The following ZNF738 variants were observed in gnomAD, a reference collection of about 807,000 sequenced individuals.
The protein encoded by ZNF738 is protein ZNF738.
A neutral mutation model predicts 9.2 loss-of-function variants in ZNF738; 10 were observed. The observed-to-expected ratio is 1.09, with a 90% CI of 0.67 to 1.85. The LOEUF (loss-of-function observed/expected upper bound fraction) is 1.85, where lower values mean the gene tolerates loss of function less well. ZNF738 is among the 40% of genes most tolerant of loss of function. ZNF738 has a pLI of 0.00. For synonymous variants in ZNF738, 113 were observed against 94.5 expected, an observed-to-expected ratio of 1.20 and a Z score of -1.14; for missense variants, 346 against 283.6, an observed-to-expected ratio of 1.22 and a Z score of -1.58.
chr19:21,374,927 A>G (rs1184246246), intron 2 of ZNF738, among the ~76,000 whole-genome samples: 1 of 152,174 alleles, frequency 6.6e-6, no homozygotes, highest in East Asian at 1.9e-4. Flanking sequence ...AAAAATATGC[A>G]CTACTCATTC....
intron 4 of ZNF738, among the ~76,000 whole-genome samples, chr19:21,382,429 G>A (rs546041527): frequency 2.2e-4 from 33 of 151,966 alleles, no homozygotes; most frequent in Non-Finnish European, 4.6e-4. Context: ...AGTAGAGACG[G>A]AGTTTCACAG....
rs2145247866 is a variant in ZNF738 at position 21,387,596 on chromosome 19, A to G, written c.*3922A>G. Among the ~76,000 whole-genome samples, 1 of 152,358 alleles carries G rather than the reference A, an allele frequency of 6.6e-6. No homozygotes were observed. The highest frequency in any genetic ancestry group is 6.5e-5 in the Admixed American group (1 of 15,294). On this transcript the variant is annotated 3_prime_UTR_variant, in exon 5 of 5. Coordinates refer to ENST00000683779, the MANE Select transcript of ZNF738 (RefSeq NM_001355237.2). ...TTGCACAGAAAAGCATTTATGTTTG[A>G]GAAAAATTATACAAATACAGACTGT...
intron 4 of ZNF738, among the ~76,000 whole-genome samples, chr19:21,380,305 T>C (rs1973987835): frequency 6.6e-6 from 1 of 152,134 alleles, no homozygotes; most frequent in Non-Finnish European, 1.5e-5. Flanking sequence ...ATAAAGAAAT[T>C]CTATCAAAAT....
In ZNF738 at chr19:21,385,622, C is replaced by G. The variant is rs1034749619; in HGVS notation, c.*1948C>G. On this transcript the variant is annotated 3_prime_UTR_variant, in exon 5 of 5. Coordinates refer to ENST00000683779, the MANE Select transcript of ZNF738 (RefSeq NM_001355237.2). Reference sequence around the variant, plus strand: ...TACAAATGTAAAGAATGTGAGAAAGCTTTTAACTGGTACTCATGCCTTACT... The same window carrying G: ...TACAAATGTAAAGAATGTGAGAAAGGTTTTAACTGGTACTCATGCCTTACT... 6.6e-6 allele frequency among the ~76,000 whole-genome samples: 1 copy of G among 152,122 alleles called. No homozygotes were observed. Among genetic ancestry groups the G allele is most frequent in the Non-Finnish European group, 1.5e-5 (1 of 68,016 alleles).
Position 21,386,403 on chromosome 19 carries a change from TG to T in ZNF738, c.*2731del. The stretch of plus-strand genomic sequence containing the variant: ...TTACTAAACATAAGATAACTCATAC[TG>T]GAGAAAAATCTTAGAAATGTGAAGG... On this transcript the variant is annotated 3_prime_UTR_variant, in exon 5 of 5. Transcript: ENST00000683779. 1 of 306,038 alleles carries T rather than the reference TG, an allele frequency of 3.3e-6. No homozygotes were observed. 19.0% of individuals were successfully genotyped at this position (306,038 alleles called of 1,614,324 possible). A position where few individuals can be genotyped will look rare whatever the true frequency, so the allele number is the denominator to read the frequency against.
chr19:21,375,185 TA>T, intron 2 of ZNF738, 52 bp from the exon 3 acceptor site: 1 of 877,422 alleles, frequency 1.1e-6, no homozygotes, highest in Admixed American at 2.6e-5. Context: ...ATTCAAATGA[TA>T]AATTCTGCCC....
chr19:21,360,056 T>A (rs1014936180), intron 1 of ZNF738, among the ~76,000 whole-genome samples: 5 of 152,334 alleles, frequency 3.3e-5, no homozygotes, highest in South Asian at 4.1e-4. Flanking sequence ...CGTGGTTTTT[T>A]AATTTGTACA....
At chr19:21,370,265 A>C (rs1973840200) in intron 2 of ZNF738, among the ~76,000 whole-genome samples, 1 of 152,042 alleles carries the variant, frequency 6.6e-6, no homozygotes, top group Non-Finnish European at 1.5e-5. Context: ...TAGCTTTTTG[A>C]TGTTCTCCTG....
chr19:21,376,804 G>A (rs1443186862), intron 4 of ZNF738, among the ~76,000 whole-genome samples: 2 of 151,978 alleles, frequency 1.3e-5, no homozygotes, highest in African/African-American at 2.4e-5. Flanking sequence ...GATTACAGGC[G>A]TGAGCCACTA....
intron 2 of ZNF738, among the ~76,000 whole-genome samples, chr19:21,366,112 G>A (rs1051038698): frequency 4.6e-5 from 7 of 152,090 alleles, no homozygotes; most frequent in African/African-American, 1.4e-4. Context: ...TTCCCCTTTT[G>A]GAGGGGAAAG....
At chr19:21,373,063 G>A (rs1365525345) in intron 2 of ZNF738, among the ~76,000 whole-genome samples, 1 of 152,120 alleles carries the variant, frequency 6.6e-6, no homozygotes, top group African/African-American at 2.4e-5. Flanking sequence ...AGCAACATCA[G>A]CATTGACACG....
In ZNF738 at chr19:21,384,598, G is replaced by A. The variant is rs375353493; in HGVS notation, c.*924G>A. 2.0e-5 allele frequency among the ~76,000 whole-genome samples: 3 copies of A among 152,216 alleles called. No homozygotes were observed. Among genetic ancestry groups the A allele is most frequent in the East Asian group, 3.9e-4 (2 of 5,192 alleles). ...GAGAAACCCTACAAATGTGAAGAAT[G>A]TGGCAAAGCTTTTTAAAAATCCTCA... On this transcript the variant is annotated 3_prime_UTR_variant, in exon 5 of 5. Transcript: ENST00000683779.
chr19:21,366,895 T>C (rs1973788442), intron 2 of ZNF738, among the ~76,000 whole-genome samples: 1 of 152,184 alleles, frequency 6.6e-6, no homozygotes, highest in Non-Finnish European at 1.5e-5. Flanking sequence ...AGCTATTTTA[T>C]CAGCCAGATC....
chr19:21,359,422 C>T (rs1275576607), intron 1 of ZNF738, among the ~76,000 whole-genome samples: 3 of 152,208 alleles, frequency 2.0e-5, no homozygotes, highest in African/African-American at 4.8e-5. Flanking sequence ...GCTTCTCTAC[C>T]GGATTGTGCA....
Position 21,384,903 on chromosome 19 carries a change from A to T in ZNF738, c.*1229A>T, listed in dbSNP as rs1251501120. 6.6e-6 allele frequency among the ~76,000 whole-genome samples: 1 copy of T among 150,716 alleles called. No individual in the cohort carries two copies. The highest frequency in any genetic ancestry group is 6.6e-5 in the Admixed American group (1 of 15,074). On this transcript the variant is annotated 3_prime_UTR_variant, in exon 5 of 5. Transcript: ENST00000683779. ...CCTTACTATACATAAGATAATTCATATTGGAGAATAACACTACAAATGTAA... is the reference window on the plus strand; with the variant it reads ...CCTTACTATACATAAGATAATTCATTTTGGAGAATAACACTACAAATGTAA...
chr19:21,362,916 A>G (rs1046910087), intron 2 of ZNF738, among the ~76,000 whole-genome samples: 2 of 152,182 alleles, frequency 1.3e-5, no homozygotes, highest in African/African-American at 4.8e-5. Flanking sequence ...CCACAAGAAA[A>G]TGTGGTAGAT....
intron 4 of ZNF738, among the ~76,000 whole-genome samples, 196 bp from the exon 5 acceptor site, chr19:21,382,670 A>C (rs541573063): frequency 6.6e-6 from 1 of 152,200 alleles, no homozygotes; most frequent in African/African-American, 2.4e-5. Flanking sequence ...CATTTAGTTC[A>C]TTTATAATTT....
intron 2 of ZNF738, among the ~76,000 whole-genome samples, chr19:21,364,740 T>G (rs1973752098): frequency 1.3e-5 from 1 of 74,876 alleles, no homozygotes. Flanking sequence ...TTATGGTTCT[T>G]TCTTTTTTTT....
intron 2 of ZNF738, among the ~76,000 whole-genome samples, chr19:21,362,097 G>GATAATAATAATA (rs55672173): frequency 2.2e-4 from 33 of 148,126 alleles, no homozygotes; most frequent in East Asian, 1.6e-3. Context: ...TAATAATAAT[G>GATAATAATAATA]ATAATAATAA....
Sources: gnomAD v4.1 joint callset for allele counts (sites outside exome capture counted in the v4.1 genomes callset) on GRCh38, gnomAD v4.1.1 for gene constraint, MANE v1.5 for transcripts, NCBI Gene and HGNC (gene_info 2026-07-23, HGNC 2026-07-21) for gene names.